The following ADCY8 variants were observed in gnomAD, a reference collection of about 807,000 sequenced individuals.
ADCY8 encodes the protein adenylate cyclase 8.
A neutral mutation model predicts 119.7 loss-of-function variants in ADCY8; 51 were observed. That is an observed-to-expected ratio of 0.43 (90% CI 0.34 to 0.54). The LOEUF is 0.54. Among genes scored for constraint, ADCY8 ranks in the 20% least tolerant of loss-of-function variants. The probability of loss-of-function intolerance (pLI) is 0.03; values close to 1 mark genes in which losing one functional copy is unlikely to be tolerated. For missense variants in ADCY8, 1,383 were observed against 1,598.8 expected (o/e 0.87, Z 2.30); for synonymous variants, 665 against 651.0 (o/e 1.02, Z -0.33).
At chr8:130,841,034 C>A (rs1404268006) in intron 11 of ADCY8, among the ~76,000 whole-genome samples, 5 of 152,106 alleles carry the variant, frequency 3.3e-5, no homozygotes, top group African/African-American at 9.7e-5. Flanking sequence ...AGACAAAAAA[C>A]CCCTACAGAC....
chr8:130,919,888 C>T (rs796844604), intron 5 of ADCY8, among the ~76,000 whole-genome samples: 12 of 152,266 alleles, frequency 7.9e-5, no homozygotes, highest in African/African-American at 2.9e-4. Flanking sequence ...CAACTATCCT[C>T]CAGTATTCAA....
At chr8:130,967,705 T>C (rs76210289) in intron 2 of ADCY8, among the ~76,000 whole-genome samples, 1,821 of 152,342 alleles carry the variant, frequency 0.012, 32 homozygotes, top group African/African-American at 0.041. Context: ...TTTGTTGTTT[T>C]TTTTTCTTTT....
chr8:130,854,853 TCC>T (rs576635538), intron 9 of ADCY8, among the ~76,000 whole-genome samples: 13 of 84,714 alleles, frequency 1.5e-4, no homozygotes, highest in African/African-American at 5.5e-4. Context: ...CTTCCCTCCC[TCC>T]CTCTGTAGGT....
rs543382223 is a variant in ADCY8 at position 130,990,335 on chromosome 8, A to T, written c.1110+58T>A. The T allele has an allele frequency of 2.5e-6, 4 of 1,587,008 alleles. No homozygotes were observed. The African/African-American group carries it at 5.4e-5, about 22-fold the overall frequency. On this transcript the variant is annotated intron_variant, in intron 2 of 17. Transcript: ENST00000286355. Reference sequence around the variant, plus strand: ...TGTTTGGGAGTAAAACAGTAGCTCCATATAATTTAGAGACTGGCTAGGTGA... The same window carrying T: ...TGTTTGGGAGTAAAACAGTAGCTCCTTATAATTTAGAGACTGGCTAGGTGA...
At chr8:130,819,688 G>T (rs1208813611) in intron 13 of ADCY8, among the ~76,000 whole-genome samples, 2 of 152,174 alleles carry the variant, frequency 1.3e-5, no homozygotes, top group Non-Finnish European at 2.9e-5. Flanking sequence ...ATTGTCATTT[G>T]TGTGTCAGAC....
Position 130,839,929 on chromosome 8 carries a change from T to C in ADCY8, c.2503-3480A>G, listed in dbSNP as rs1399928537. On this transcript the variant is annotated intron_variant, in intron 11 of 17. Coordinates refer to ENST00000286355, the MANE Select transcript of ADCY8 (RefSeq NM_001115.3). ...AGAAATAAATTGCGGTAGGGTAGAA[T>C]ATACGATGTATCAGGATTAATTGAG... Among the ~76,000 whole-genome samples the C allele has an allele frequency of 1.4e-4, 20 of 140,180 alleles. No homozygotes were observed. The Admixed American group carries it at 1.5e-3, about 10-fold the overall frequency. 92.0% of individuals were successfully genotyped at this position (140,180 alleles called of 152,430 possible).
intron 8 of ADCY8, among the ~76,000 whole-genome samples, chr8:130,878,348 C>T (rs774652827): frequency 6.6e-6 from 1 of 152,214 alleles, no homozygotes; most frequent in Non-Finnish European, 1.5e-5. Context: ...TTTATGCTCA[C>T]TTCTATTTCC....
chr8:130,969,142 A>T (rs952071190), intron 2 of ADCY8, among the ~76,000 whole-genome samples: 2 of 152,174 alleles, frequency 1.3e-5, no homozygotes, highest in Admixed American at 6.5e-5. Flanking sequence ...TTTGGACAAG[A>T]TTAACATTTA....
intron 11 of ADCY8, among the ~76,000 whole-genome samples, chr8:130,846,285 G>A (rs1817293585): frequency 6.6e-6 from 1 of 152,084 alleles, no homozygotes; most frequent in Admixed American, 6.5e-5. Context: ...ACCCTAATAT[G>A]TAAAGTTCTG....
In ADCY8 at chr8:131,040,505, G is replaced by A. The variant is rs1028126126; in HGVS notation, c.-172C>T. On this transcript the variant is annotated 5_prime_UTR_variant, in exon 1 of 18. Coordinates refer to ENST00000286355, the MANE Select transcript of ADCY8 (RefSeq NM_001115.3). The stretch of plus-strand genomic sequence containing the variant: ...CTCCCTGTAGGTCGGGTCATACTGT[G>A]CCCAGGGGCAAAGGGCACCTGGAAG... The A allele has an allele frequency of 1.4e-6, 1 of 715,476 alleles. No homozygotes were observed. The highest frequency in any genetic ancestry group is 2.0e-6 in the Non-Finnish European group (1 of 507,398). 44.3% of individuals were successfully genotyped at this position (715,476 alleles called of 1,614,324 possible).
intron 3 of ADCY8, among the ~76,000 whole-genome samples, chr8:130,946,241 T>C (rs1404150307): frequency 6.6e-6 from 1 of 152,234 alleles, no homozygotes; most frequent in African/African-American, 2.4e-5. Context: ...GATGATAGCA[T>C]CATCCCAGCC....
At chr8:130,910,460 G>A (rs769482929) in intron 5 of ADCY8, among the ~76,000 whole-genome samples, 1 of 152,036 alleles carries the variant, frequency 6.6e-6, no homozygotes, top group Non-Finnish European at 1.5e-5. Flanking sequence ...CCCTGCCTCA[G>A]CCTTACCTCC....
intron 1 of ADCY8, among the ~76,000 whole-genome samples, chr8:131,016,773 G>A (rs1370859624): frequency 1.3e-5 from 2 of 152,054 alleles, no homozygotes; most frequent in Non-Finnish European, 1.5e-5. Context: ...ACCATTGTAG[G>A]GACACTGGCT....
intron 1 of ADCY8, among the ~76,000 whole-genome samples, chr8:131,017,993 T>C (rs1823536158): frequency 6.6e-6 from 1 of 152,214 alleles, no homozygotes; most frequent in Non-Finnish European, 1.5e-5. Flanking sequence ...AAATGCCGAG[T>C]ATAAACATTT....
chr8:130,834,514 A>G (rs1345319103), intron 12 of ADCY8, among the ~76,000 whole-genome samples: 1 of 152,218 alleles, frequency 6.6e-6, no homozygotes, highest in Non-Finnish European at 1.5e-5. Context: ...CAGATACCCT[A>G]CAATCCAACA....
intron 5 of ADCY8, among the ~76,000 whole-genome samples, chr8:130,911,091 T>C (rs12155944): frequency 0.091 from 13,851 of 152,230 alleles, 867 homozygotes; most frequent in Middle Eastern, 0.21. Context: ...ATATTCCTTC[T>C]AGCATATATT....
intron 17 of ADCY8, among the ~76,000 whole-genome samples, chr8:130,781,387 C>T (rs573745210): frequency 1.4e-3 from 208 of 152,308 alleles, no homozygotes; most frequent in Non-Finnish European, 2.5e-3. Context: ...CTGTCTCCTC[C>T]CTTGTTCCCT....
chr8:130,807,296 C>A (rs1815995752), intron 14 of ADCY8, among the ~76,000 whole-genome samples: 1 of 152,180 alleles, frequency 6.6e-6, no homozygotes, highest in Admixed American at 6.5e-5. Flanking sequence ...GACTTGCAAA[C>A]CTTATTAGCA....
chr8:130,957,310 C>T (rs1159092497), intron 2 of ADCY8, among the ~76,000 whole-genome samples: 1 of 152,110 alleles, frequency 6.6e-6, no homozygotes, highest in Non-Finnish European at 1.5e-5. Flanking sequence ...TGCTGCTGTC[C>T]TAGAGATTTG....
Sources: allele counts gnomAD v4.1 joint callset (sites outside exome capture counted in the v4.1 genomes callset), GRCh38; gene constraint gnomAD v4.1.1; transcripts MANE v1.5; gene names NCBI Gene and HGNC (gene_info 2026-07-23, HGNC 2026-07-21).